The following LRRTM4 variants were observed in gnomAD, a reference collection of about 807,000 sequenced individuals.
LRRTM4 encodes leucine rich repeat transmembrane neuronal 4, also known as leucine-rich repeat transmembrane neuronal protein 4.
Under a neutral mutation model 47.6 loss-of-function variants are expected in LRRTM4, and 25 were observed. The ratio of observed to expected loss-of-function variants is 0.53; its 90% CI spans 0.38 to 0.73. The LOEUF is 0.73. LRRTM4 is among the 30% of genes least tolerant of loss of function. The pLI, the probability that LRRTM4 is intolerant of heterozygous loss-of-function variation, is 0.00. For synonymous variants in LRRTM4, 311 were observed against 269.5 expected (o/e 1.15, Z -1.51); for missense variants, 638 against 713.4 (o/e 0.89, Z 1.20).
chr2:77,224,495 A>C (rs1226456710), intron 3 of LRRTM4, among the ~76,000 whole-genome samples: 1 of 152,202 alleles, frequency 6.6e-6, no homozygotes, highest in Non-Finnish European at 1.5e-5. Context: ...ATCTACAATG[A>C]ACTCAAACAA....
intron 3 of LRRTM4, among the ~76,000 whole-genome samples, chr2:77,004,181 C>G (rs972103902): frequency 1.3e-5 from 2 of 152,190 alleles, no homozygotes; most frequent in Non-Finnish European, 2.9e-5. Context: ...CTTCAGCAGA[C>G]ATTTGCATAA....
At chr2:77,274,381 T>C (rs953695219) in intron 3 of LRRTM4, among the ~76,000 whole-genome samples, 2 of 152,178 alleles carry the variant, frequency 1.3e-5, no homozygotes, top group East Asian at 3.9e-4. Flanking sequence ...AAACCACAGA[T>C]ACAATAAAGG....
intron 3 of LRRTM4, among the ~76,000 whole-genome samples, chr2:77,297,158 G>A (rs1259053428): frequency 6.6e-6 from 1 of 151,896 alleles, no homozygotes; most frequent in East Asian, 1.9e-4. Context: ...TTTTGTTTCC[G>A]TTTTGTCTTT....
At chr2:77,248,352 C>G (rs939868620) in intron 3 of LRRTM4, among the ~76,000 whole-genome samples, 1 of 151,670 alleles carries the variant, frequency 6.6e-6, no homozygotes, top group Non-Finnish European at 1.5e-5. Context: ...AAAGCATGTA[C>G]AAGATGTGAA....
chr2:77,032,438 A>C (rs1678694146), intron 3 of LRRTM4, among the ~76,000 whole-genome samples: 1 of 152,054 alleles, frequency 6.6e-6, no homozygotes, highest in African/African-American at 2.4e-5. Context: ...TTCTCCTTCC[A>C]CTAGATTATG....
chr2:76,909,103 G>T (rs957734387), intron 3 of LRRTM4, among the ~76,000 whole-genome samples: 4 of 152,130 alleles, frequency 2.6e-5, no homozygotes, highest in African/African-American at 7.2e-5. Flanking sequence ...ATACTACAAG[G>T]CTACAGTAAC....
At chr2:76,806,625 A>G (rs1446734867) in intron 3 of LRRTM4, among the ~76,000 whole-genome samples, 1 of 152,060 alleles carries the variant, frequency 6.6e-6, no homozygotes, top group Non-Finnish European at 1.5e-5. Flanking sequence ...TTATAAATGA[A>G]TAACAGTTGA....
At chr2:76,801,884 T>C (rs761566885) in intron 3 of LRRTM4, among the ~76,000 whole-genome samples, 7 of 152,086 alleles carry the variant, frequency 4.6e-5, no homozygotes, top group Non-Finnish European at 1.0e-4. Flanking sequence ...TAAGATCATC[T>C]CAATAGATGC....
At chr2:77,352,093 A>G (rs1671804438) in intron 3 of LRRTM4, among the ~76,000 whole-genome samples, 2 of 152,270 alleles carry the variant, frequency 1.3e-5, no homozygotes, top group Middle Eastern at 3.4e-3. Context: ...TCAATTGGCA[A>G]TGAGGGAAGA....
At chr2:77,151,587 T>A (rs543959475) in intron 3 of LRRTM4, among the ~76,000 whole-genome samples, 3 of 152,312 alleles carry the variant, frequency 2.0e-5, no homozygotes, top group Admixed American at 2.0e-4. Flanking sequence ...CAGTGGAATA[T>A]TATTCAGCCT....
At chr2:77,460,877 G>A (rs1054307861) in intron 3 of LRRTM4, among the ~76,000 whole-genome samples, 1 of 152,022 alleles carries the variant, frequency 6.6e-6, no homozygotes, top group African/African-American at 2.4e-5. Context: ...TCAGTCATCT[G>A]GTGTGACACT....
intron 3 of LRRTM4, among the ~76,000 whole-genome samples, chr2:76,823,771 A>C (rs1385987265): frequency 6.6e-6 from 1 of 151,548 alleles, no homozygotes; most frequent in African/African-American, 2.4e-5. Context: ...AGATATCAAA[A>C]AATAAAAGTC....
At chr2:76,798,287 T>G (rs991540385) in intron 3 of LRRTM4, among the ~76,000 whole-genome samples, 3 of 151,976 alleles carry the variant, frequency 2.0e-5, no homozygotes, top group Admixed American at 6.6e-5. Context: ...GAACTCAGGA[T>G]TAAGAATCTC....
chr2:77,025,316 A>G (rs192647215), intron 3 of LRRTM4, among the ~76,000 whole-genome samples: 108 of 152,268 alleles, frequency 7.1e-4, no homozygotes, highest in Non-Finnish European at 3.1e-4. Context: ...GCTGTTTATC[A>G]CAATATCTGA....
chr2:77,386,651 GT>G (rs1673288345), intron 3 of LRRTM4, among the ~76,000 whole-genome samples: 1 of 152,112 alleles, frequency 6.6e-6, no homozygotes, highest in Non-Finnish European at 1.5e-5. Flanking sequence ...GGTATTTCTG[GT>G]TTTAGATCCT....
intron 3 of LRRTM4, among the ~76,000 whole-genome samples, chr2:76,949,205 G>C: frequency 6.6e-6 from 1 of 151,778 alleles, no homozygotes; most frequent in Non-Finnish European, 1.5e-5. Context: ...TTCAGTTATT[G>C]GAGAAATCCT....
intron 3 of LRRTM4, among the ~76,000 whole-genome samples, chr2:76,895,398 A>G (rs930336339): frequency 6.6e-5 from 10 of 152,076 alleles, no homozygotes; most frequent in Non-Finnish European, 1.2e-4. Flanking sequence ...TGTAGCCTGT[A>G]AAATTTGTAA....
At chr2:77,115,156 G>A (rs868148875) in intron 3 of LRRTM4, among the ~76,000 whole-genome samples, 40 of 152,184 alleles carry the variant, frequency 2.6e-4, no homozygotes, top group Non-Finnish European at 4.6e-4. Flanking sequence ...TCCTTGCTGG[G>A]AAAAGAATTC....
chr2:77,221,964 C>G (rs1181474008), intron 3 of LRRTM4, among the ~76,000 whole-genome samples: 3 of 152,114 alleles, frequency 2.0e-5, no homozygotes, highest in South Asian at 2.1e-4. Flanking sequence ...AAGTAAGGCA[C>G]TCCTCAGCAA....
Sources: gnomAD v4.1 joint callset for allele counts (sites outside exome capture counted in the v4.1 genomes callset) on GRCh38, gnomAD v4.1.1 for gene constraint, MANE v1.5 for transcripts, NCBI Gene and HGNC (gene_info 2026-07-23, HGNC 2026-07-21) for gene names.